Variants in ITSN1 observed in about 807,000 individuals in gnomAD.
ITSN1 encodes intersectin 1.
Under a neutral mutation model 239.8 loss-of-function variants are expected in ITSN1, and 58 were observed. The ratio of observed to expected loss-of-function variants is 0.24; its 90% CI spans 0.20 to 0.30. The LOEUF (loss-of-function observed/expected upper bound fraction) is 0.30, where lower values mean the gene tolerates loss of function less well. Among genes scored for constraint, ITSN1 ranks in the 10% least tolerant of loss-of-function variants. The pLI is 1.00. For missense variants in ITSN1, 1,558 were observed against 2,103.3 expected, an observed-to-expected ratio of 0.74 and a Z score of 5.07; for synonymous variants, 780 against 770.8, an observed-to-expected ratio of 1.01 and a Z score of -0.20.
At chr21:33,870,497 G>A (rs745405109) in intron 33 of ITSN1, among the ~76,000 whole-genome samples, 1 of 152,206 alleles carries the variant, frequency 6.6e-6, no homozygotes, top group Admixed American at 6.5e-5. Context: ...GGTCAGCTAT[G>A]AGATACATAT....
chr21:33,667,763 A>G (rs2090017340), intron 1 of ITSN1, among the ~76,000 whole-genome samples: 1 of 152,180 alleles, frequency 6.6e-6, no homozygotes, highest in South Asian at 2.1e-4. Context: ...TGCACTGTTC[A>G]CAGTATGCGA....
rs1569340740 is a variant in ITSN1, at chr21:33,882,144, G to A, written c.4342-99G>A. 10 of 1,010,678 alleles carry A rather than the reference G, an allele frequency of 9.9e-6. No homozygotes were observed. The highest frequency in any genetic ancestry group is 7.5e-5 in the East Asian group (3 of 39,856). The allele number at this position is 1,010,678 out of a possible 1,614,324, so 62.6% of individuals were successfully genotyped here. On this transcript the variant is annotated intron_variant, in intron 34 of 39. Transcript: ENST00000381318. This position sits in a 1 kb window ranked among gnomAD's most constrained non-coding sequence, Gnocchi z 4.5. Reference sequence around the variant, plus strand: ...TATCCTTGACTTTTGCCTGAGATCCGAGTCTGCTGGGGCCTGGCCTCTGAT... The same window carrying A: ...TATCCTTGACTTTTGCCTGAGATCCAAGTCTGCTGGGGCCTGGCCTCTGAT...
At chr21:33,673,338 G>A (rs530723682) in intron 1 of ITSN1, among the ~76,000 whole-genome samples, 3 of 152,188 alleles carry the variant, frequency 2.0e-5, no homozygotes, top group African/African-American at 7.2e-5. Context: ...GATGACTCTG[G>A]CTAATATTGT....
intron 1 of ITSN1, among the ~76,000 whole-genome samples, chr21:33,672,690 C>A (rs968455773): frequency 6.6e-6 from 1 of 152,066 alleles, no homozygotes; most frequent in African/African-American, 2.4e-5. Context: ...TGGCATTATT[C>A]CCAATAGACA....
intron 1 of ITSN1, among the ~76,000 whole-genome samples, chr21:33,694,818 AAAAAAAC>A (rs1180750867): frequency 3.9e-5 from 6 of 152,048 alleles, no homozygotes; most frequent in African/African-American, 9.7e-5. Flanking sequence ...GAGTGTCTCA[AAAAAAAC>A]AAAAAACAAA....
At chr21:33,856,061 T>G (rs977178756) in intron 29 of ITSN1, among the ~76,000 whole-genome samples, 1 of 152,242 alleles carries the variant, frequency 6.6e-6, no homozygotes, top group Admixed American at 6.5e-5. Context: ...CTGAGAGACC[T>G]GGGGCCAGTC....
intron 1 of ITSN1, among the ~76,000 whole-genome samples, chr21:33,661,697 C>G (rs866516317): frequency 1.1e-4 from 17 of 152,126 alleles, no homozygotes; most frequent in African/African-American, 4.1e-4. Flanking sequence ...TGGGAGATAA[C>G]TGAATCATGG....
intron 33 of ITSN1, among the ~76,000 whole-genome samples, chr21:33,872,523 TA>T (rs1164130220): frequency 2.6e-5 from 4 of 152,148 alleles, no homozygotes; most frequent in Non-Finnish European, 4.4e-5. Flanking sequence ...ATCCAATTTT[TA>T]TTTTTATTTT....
At chr21:33,738,526 C>T (rs201683223) in intron 5 of ITSN1, among the ~76,000 whole-genome samples, 17 of 151,976 alleles carry the variant, frequency 1.1e-4, no homozygotes, top group African/African-American at 3.4e-4. Flanking sequence ...GTCAGCCTCC[C>T]GAGTAGCTGG....
intron 34 of ITSN1, 43 bp downstream of exon 34, chr21:33,875,564 C>T (rs1429837027): frequency 1.9e-6 from 3 of 1,582,770 alleles, no homozygotes; most frequent in South Asian, 1.1e-5. Context: ...CCCGGCAGAG[C>T]CTCGCCTGCC....
chr21:33,666,172 C>G lies in ITSN1; in HGVS notation c.-33+23459C>G, dbSNP rs185025492. ...TTTTGAACTCCTGACCTCAAGTGAT[C>G]CACCTGCCTTGGACTTCCAAAGTGC... On this transcript the variant is annotated intron_variant, in intron 1 of 39. Transcript: ENST00000381318. Among the ~76,000 whole-genome samples the G allele has an allele frequency of 2.2e-3, 340 of 152,276 alleles. 1 individual carries two copies. Among genetic ancestry groups the G allele is most frequent in the African/African-American group, 7.3e-3 (305 of 41,546 alleles).
At chr21:33,707,704 C>T (rs1002448359) in intron 1 of ITSN1, among the ~76,000 whole-genome samples, 3 of 152,166 alleles carry the variant, frequency 2.0e-5, no homozygotes, top group Non-Finnish European at 2.9e-5. Context: ...TTGAGATTCA[C>T]GCATGTTGTT....
rs962619503 is a variant in ITSN1 at position 33,705,062 on chromosome 21, G to C, written c.-32-13735G>C. 3.5e-5 allele frequency among the ~76,000 whole-genome samples: 5 copies of C among 144,410 alleles called. No individual in the cohort carries two copies. In the East Asian group the frequency reaches 6.2e-4, roughly 18 times the overall value. 94.7% of individuals were successfully genotyped at this position (144,410 alleles called of 152,430 possible). ...GGAGGCAGAGGTTGCAGTGAGCCGAGATCGGGCCACTGCACTCCAGCCTGG... is the reference window on the plus strand; with the variant it reads ...GGAGGCAGAGGTTGCAGTGAGCCGACATCGGGCCACTGCACTCCAGCCTGG... On this transcript the variant is annotated intron_variant, in intron 1 of 39. Transcript: ENST00000381318.
intron 22 of ITSN1, 181 bp downstream of exon 22, chr21:33,814,253 G>T: frequency 1.9e-6 from 1 of 537,978 alleles, no homozygotes. Flanking sequence ...GGAGTTGGGG[G>T]TGGGGGTGGG....
intron 34 of ITSN1, among the ~76,000 whole-genome samples, chr21:33,877,043 C>T (rs1385572766): frequency 9.1e-6 from 1 of 109,344 alleles, no homozygotes; most frequent in African/African-American, 3.1e-5. Context: ...TTCCTTAGAA[C>T]TTTACCTGTG....
intron 27 of ITSN1, among the ~76,000 whole-genome samples, chr21:33,833,884 A>G (rs2074445190): frequency 6.6e-6 from 1 of 151,978 alleles, no homozygotes; most frequent in Non-Finnish European, 1.5e-5. Context: ...AAAAAAAAAA[A>G]AAAAAGAAGT....
Position 33,814,018 on chromosome 21 carries a change from C to T in ITSN1, c.2673C>T (p.Ser891=), listed in dbSNP as rs756301791. 38 of 1,614,038 alleles carry T rather than the reference C, an allele frequency of 2.4e-5. No individual in the cohort carries two copies. In the East Asian group the frequency reaches 2.5e-4, roughly 10 times the overall value. Reference sequence around the variant, plus strand: ...GTGCCGGCCAGTTAAGGCAGAGGTCCGCCTTTACTCCAGCCACGGCCACTG... The same window carrying T: ...GTGCCGGCCAGTTAAGGCAGAGGTCTGCCTTTACTCCAGCCACGGCCACTG... The part of the protein sequence containing the change: ...VPSAGQLRQR[S]AFTPATATGS... The change falls in exon 22 of 40, where the codon TCC becomes TCT. Residue 891 remains serine, a synonymous_variant. Transcript: ENST00000381318.
intron 4 of ITSN1, among the ~76,000 whole-genome samples, chr21:33,730,252 T>C (rs1199887347): frequency 1.3e-5 from 2 of 152,004 alleles, no homozygotes; most frequent in Non-Finnish European, 2.9e-5. Context: ...ACCCATTGTA[T>C]TAGTTTCCTG....
rs767282126 is a variant in ITSN1, at chr21:33,718,875, C to T, written c.28+19C>T. On this transcript the variant is annotated intron_variant, in intron 2 of 39. Coordinates refer to ENST00000381318, the MANE Select transcript of ITSN1 (RefSeq NM_003024.3). ...TTTGGTGGTAAGTTTTCAGAAATTT[C>T]TCTTTTTAATGTACTTTGGGACCAG... 7 of 1,608,062 alleles carry T rather than the reference C, an allele frequency of 4.4e-6. No homozygotes were observed. The East Asian group carries it at 1.6e-4, about 36-fold the overall frequency.
Sources: gnomAD v4.1 joint callset for allele counts (sites outside exome capture counted in the v4.1 genomes callset) on GRCh38, gnomAD v4.1.1 for gene constraint, Gnocchi (gnomAD v3.1) non-coding constraint, MANE v1.5 for transcripts, NCBI Gene and HGNC (gene_info 2026-07-23, HGNC 2026-07-21) for gene names.